Variants in PCNX2 observed in about 807,000 individuals in gnomAD.
The protein encoded by PCNX2 is pecanex 2.
A neutral mutation model predicts 223.8 loss-of-function variants in PCNX2; 168 were observed. The ratio of observed to expected loss-of-function variants is 0.75; its 90% CI spans 0.66 to 0.85. The LOEUF is 0.85. Ranked by LOEUF, PCNX2 falls within the 40% of genes least tolerant of loss-of-function variation. The pLI is 0.00. For synonymous variants in PCNX2, 1,006 were observed against 1,052.6 expected (o/e 0.96, Z 0.86); for missense variants, 2,507 against 2,675.5 (o/e 0.94, Z 1.39).
intron 32 of PCNX2, among the ~76,000 whole-genome samples, chr1:232,997,940 C>G (rs1367497456): frequency 2.6e-5 from 4 of 152,250 alleles, no homozygotes; most frequent in Non-Finnish European, 5.9e-5. Context: ...ACACAGAAGG[C>G]ACACCATCAA....
chr1:233,038,572 G>T (rs1047885827), intron 25 of PCNX2, among the ~76,000 whole-genome samples: 2 of 152,226 alleles, frequency 1.3e-5, no homozygotes, highest in South Asian at 4.2e-4. Context: ...AAAAATACGT[G>T]GTCAGGGATT....
chr1:233,273,708 C>A (rs1197644893), intron 1 of PCNX2, among the ~76,000 whole-genome samples: 1 of 151,672 alleles, frequency 6.6e-6, no homozygotes. Flanking sequence ...ACTACAACTT[C>A]CTCCTCTCGG....
chr1:233,213,212 C>T (rs1003674333), intron 12 of PCNX2, among the ~76,000 whole-genome samples: 2 of 152,018 alleles, frequency 1.3e-5, no homozygotes, highest in Non-Finnish European at 2.9e-5. Flanking sequence ...TTTAAGTTTG[C>T]CAGAAACTGT....
At chr1:233,311,367 A>C in the PCNX2 span, among the ~76,000 whole-genome samples, 1 of 152,256 alleles carries the variant, frequency 6.6e-6, no homozygotes, top group Non-Finnish European at 1.5e-5. Flanking sequence ...AAGACTTTGC[A>C]AAACTCACCT....
chr1:233,318,460 G>A, the PCNX2 span, among the ~76,000 whole-genome samples: 1 of 151,480 alleles, frequency 6.6e-6, no homozygotes, highest in African/African-American at 2.4e-5. Flanking sequence ...GACCTCAATG[G>A]CTGGTGAACC....
chr1:233,292,202 C>CTTTTTT (rs963996089), intron 1 of PCNX2, among the ~76,000 whole-genome samples: 124 of 109,444 alleles, frequency 1.1e-3, no homozygotes, highest in Non-Finnish European at 1.4e-3. Flanking sequence ...TTCTTTCTTT[C>CTTTTTT]TTTTTTTTTT....
At chr1:233,326,874 TGGGTTTCC>T in the PCNX2 span, among the ~76,000 whole-genome samples, 6 of 152,146 alleles carry the variant, frequency 3.9e-5, no homozygotes, top group African/African-American at 1.4e-4. Context: ...CCCAAACCTG[TGGGTTTCC>T]AGGGAGACTG....
chr1:233,225,888 G>A (rs1488422103), intron 10 of PCNX2, among the ~76,000 whole-genome samples: 1 of 152,168 alleles, frequency 6.6e-6, no homozygotes, highest in Non-Finnish European at 1.5e-5. Flanking sequence ...GGGTAACATA[G>A]TGTTGTTAGG....
At chr1:233,141,229 C>T (rs1381014203) in intron 19 of PCNX2, among the ~76,000 whole-genome samples, 2 of 152,196 alleles carry the variant, frequency 1.3e-5, no homozygotes, top group Non-Finnish European at 2.9e-5. Context: ...CACTGGGGCT[C>T]TGCATGACAG....
At chr1:233,306,868 A>G in the PCNX2 span, among the ~76,000 whole-genome samples, 2 of 152,340 alleles carry the variant, frequency 1.3e-5, no homozygotes, top group East Asian at 3.9e-4. Context: ...TACCTGGCTC[A>G]TGATTACAAG....
Position 233,284,692 on chromosome 1 carries a change from T to C in PCNX2, c.153+10634A>G, listed in dbSNP as rs117341056. 2.6e-5 allele frequency among the ~76,000 whole-genome samples: 4 copies of C among 152,284 alleles called. No individual in the cohort carries two copies. In the East Asian group the frequency reaches 7.7e-4, roughly 29 times the overall value. Reference sequence around the variant, plus strand: ...GGCACTCAGTCTGTTGTCATAGACATAAGTGCTCTCCAACAAACATGTCCA... The same window carrying C: ...GGCACTCAGTCTGTTGTCATAGACACAAGTGCTCTCCAACAAACATGTCCA... On this transcript the variant is annotated intron_variant, in intron 1 of 33. Coordinates refer to ENST00000258229, the MANE Select transcript of PCNX2 (RefSeq NM_014801.4).
the PCNX2 span, among the ~76,000 whole-genome samples, chr1:233,303,371 T>G: frequency 6.6e-6 from 1 of 152,022 alleles, no homozygotes; most frequent in East Asian, 1.9e-4. Context: ...AAAAATTTGC[T>G]GGGTGTGGTG....
At chr1:233,245,027 T>A (rs988842710) in intron 8 of PCNX2, among the ~76,000 whole-genome samples, 1 of 152,236 alleles carries the variant, frequency 6.6e-6, no homozygotes, top group Non-Finnish European at 1.5e-5. Flanking sequence ...TCCTGCTGCA[T>A]AAAGAACAAA....
intron 8 of PCNX2, among the ~76,000 whole-genome samples, chr1:233,246,833 A>C (rs146614615): frequency 3.5e-4 from 53 of 152,324 alleles, no homozygotes; most frequent in African/African-American, 1.3e-3. Flanking sequence ...CACATGCACT[A>C]GTATGTTAAT....
intron 23 of PCNX2, among the ~76,000 whole-genome samples, chr1:233,087,929 C>G (rs140830725): frequency 6.6e-6 from 1 of 152,258 alleles, no homozygotes; most frequent in African/African-American, 2.4e-5. Flanking sequence ...ATACAGGGAA[C>G]CTAGTGCTAA....
intron 21 of PCNX2, among the ~76,000 whole-genome samples, chr1:233,111,769 AG>A (rs1403373947): frequency 6.6e-6 from 1 of 152,204 alleles, no homozygotes; most frequent in African/African-American, 2.4e-5. Context: ...CATTGGCAGC[AG>A]GCACTGGTAT....
chr1:233,248,680 G>C (rs1659272802), intron 8 of PCNX2, among the ~76,000 whole-genome samples: 1 of 152,132 alleles, frequency 6.6e-6, no homozygotes, highest in African/African-American at 2.4e-5. Context: ...AAACCTGTTT[G>C]AGATGGGTTT....
chr1:233,090,315 C>T (rs1343693370), intron 22 of PCNX2, 125 bp from the exon 23 acceptor site: 15 of 1,101,200 alleles, frequency 1.4e-5, no homozygotes, highest in Non-Finnish European at 1.9e-5. Flanking sequence ...AAAGAACACA[C>T]ACTTAATCTC....
chr1:233,039,924 A>G (rs1365300638), intron 25 of PCNX2, among the ~76,000 whole-genome samples: 2 of 152,230 alleles, frequency 1.3e-5, no homozygotes, highest in Admixed American at 6.5e-5. Flanking sequence ...AGTAATCTCT[A>G]TTATTTTTTG....
Sources: allele counts gnomAD v4.1 joint callset (sites outside exome capture counted in the v4.1 genomes callset), GRCh38; gene constraint gnomAD v4.1.1; transcripts MANE v1.5; gene names NCBI Gene and HGNC (gene_info 2026-07-23, HGNC 2026-07-21).